The following DNM3 variants were observed in gnomAD, a reference collection of about 807,000 sequenced individuals.
DNM3 encodes the protein dynamin-3.
In DNM3, 47 loss-of-function variants were observed where a neutral mutation model predicts 101.6. The ratio of observed to expected loss-of-function variants is 0.46; its 90% CI spans 0.37 to 0.59. The LOEUF is 0.59. Among genes scored for constraint, DNM3 ranks in the 20% least tolerant of loss-of-function variants. The pLI is 0.00. For missense variants in DNM3, 849 were observed against 1,085.7 expected (o/e 0.78, Z 3.06); for synonymous variants, 385 against 387.9 (o/e 0.99, Z 0.09).
intron 4 of DNM3, among the ~76,000 whole-genome samples, chr1:172,001,429 T>C (rs984594564): frequency 8.6e-5 from 13 of 151,994 alleles, no homozygotes; most frequent in Admixed American, 7.9e-4. Context: ...GTGGTGTTGA[T>C]TGATTACTTG....
In DNM3 at chr1:172,139,197, A is replaced by G. The variant is rs115132259; in HGVS notation, c.1659+7909A>G. ...AGGTTTATTCTTAAGTCCAATTCAT[A>G]TTATTACTGGCCCACATGTAGTCAG... On this transcript the variant is annotated intron_variant, in intron 14 of 20. Coordinates refer to ENST00000627582, the MANE Select transcript of DNM3 (RefSeq NM_015569.5). The G allele has an allele frequency of 7.3e-3, 2,110 of 288,982 alleles. 39 individuals are homozygous for G. Among genetic ancestry groups the G allele is most frequent in the African/African-American group, 0.045 (1,957 of 43,300 alleles). The allele number at this position is 288,982 out of a possible 1,614,324, so 17.9% of individuals were successfully genotyped here. A position where few individuals can be genotyped will look rare whatever the true frequency, so the allele number is the denominator to read the frequency against.
chr1:171,849,850 G>C (rs1318314112), intron 1 of DNM3, among the ~76,000 whole-genome samples: 1 of 152,044 alleles, frequency 6.6e-6, no homozygotes, highest in Admixed American at 6.5e-5. Context: ...TGACATACTG[G>C]GGTCACATGG....
intron 15 of DNM3, among the ~76,000 whole-genome samples, chr1:172,260,201 TG>T (rs2062584836): frequency 6.6e-6 from 1 of 152,274 alleles, no homozygotes; most frequent in Admixed American, 6.5e-5. Flanking sequence ...GTTAGTCTGA[TG>T]GGGTTCCTTT....
chr1:172,148,045 T>G (rs973412973), intron 14 of DNM3, among the ~76,000 whole-genome samples: 1 of 152,090 alleles, frequency 6.6e-6, no homozygotes, highest in African/African-American at 2.4e-5. Context: ...CATTATTTCA[T>G]CAGAGTCCAC....
intron 14 of DNM3, among the ~76,000 whole-genome samples, chr1:172,215,768 A>C (rs1462670988): frequency 6.6e-6 from 1 of 152,032 alleles, no homozygotes; most frequent in Non-Finnish European, 1.5e-5. Flanking sequence ...GACTGCTTAC[A>C]AGGCAGAGCC....
chr1:171,893,869 A>G (rs1042525372), intron 1 of DNM3, among the ~76,000 whole-genome samples: 2 of 152,196 alleles, frequency 1.3e-5, no homozygotes, highest in African/African-American at 2.4e-5. Context: ...CTTTTGAGTA[A>G]GTATTGTTAT....
chr1:171,998,013 C>A (rs2046113190), intron 4 of DNM3, among the ~76,000 whole-genome samples: 2 of 152,130 alleles, frequency 1.3e-5, no homozygotes, highest in African/African-American at 4.8e-5. Context: ...AGTCAGGTGG[C>A]ATCACCCCAG....
intron 4 of DNM3, among the ~76,000 whole-genome samples, chr1:172,031,655 G>A (rs557762101): frequency 5.3e-5 from 8 of 152,210 alleles, no homozygotes; most frequent in East Asian, 3.9e-4. Context: ...TGTATATGAC[G>A]TGCTACACAA....
chr1:172,208,908 A>C (rs2060415527), intron 14 of DNM3, among the ~76,000 whole-genome samples: 1 of 152,076 alleles, frequency 6.6e-6, no homozygotes, highest in African/African-American at 2.4e-5. Context: ...CCCATGGGGA[A>C]AATAAAATTT....
intron 14 of DNM3, among the ~76,000 whole-genome samples, chr1:172,183,949 G>C (rs115727977): frequency 6.7e-6 from 1 of 150,314 alleles, no homozygotes; most frequent in Admixed American, 6.6e-5. Flanking sequence ...CAGTGTAATA[G>C]AAATTAATAT....
chr1:172,304,206 C>CAA (rs575733774), intron 15 of DNM3, among the ~76,000 whole-genome samples: 25 of 36,398 alleles, frequency 6.9e-4, no homozygotes, highest in Non-Finnish European at 9.9e-4. Context: ...AAAAGGAAAG[C>CAA]AAAAAAAAAA....
chr1:172,389,960 C>T (rs9425299), intron 20 of DNM3, among the ~76,000 whole-genome samples: 71,772 of 151,634 alleles, frequency 0.47, 20,061 homozygotes, highest in East Asian at 0.87. Flanking sequence ...AACTCTGAGA[C>T]GGGAGTTCTT....
chr1:171,976,604 G>A (rs1236530932), intron 2 of DNM3, among the ~76,000 whole-genome samples: 3 of 152,072 alleles, frequency 2.0e-5, no homozygotes, highest in Admixed American at 6.6e-5. Context: ...ATGAGATTTG[G>A]GTGGGGACAC....
At chr1:172,125,403 G>A (rs1416977176) in intron 13 of DNM3, among the ~76,000 whole-genome samples, 1 of 152,084 alleles carries the variant, frequency 6.6e-6, no homozygotes, top group Non-Finnish European at 1.5e-5. Flanking sequence ...CAGTATGTCA[G>A]CCAGATGTTG....
chr1:172,358,004 AGTGTG>A (rs1185229807), intron 17 of DNM3, among the ~76,000 whole-genome samples: 2 of 152,044 alleles, frequency 1.3e-5, no homozygotes, highest in African/African-American at 2.4e-5. Context: ...GTGCTGAATC[AGTGTG>A]GTAGAGGCTA....
intron 4 of DNM3, among the ~76,000 whole-genome samples, chr1:172,024,364 A>G (rs1437352482): frequency 6.6e-6 from 1 of 152,242 alleles, no homozygotes; most frequent in Non-Finnish European, 1.5e-5. Context: ...AAATTTACAG[A>G]CCGTGATCCT....
chr1:171,858,263 C>A (rs1346562817), intron 1 of DNM3, among the ~76,000 whole-genome samples: 3 of 152,054 alleles, frequency 2.0e-5, no homozygotes, highest in African/African-American at 7.2e-5. Flanking sequence ...TTCACTGATG[C>A]ACTAATATTC....
intron 1 of DNM3, among the ~76,000 whole-genome samples, chr1:171,890,684 T>C (rs965219012): frequency 1.3e-5 from 2 of 152,178 alleles, no homozygotes; most frequent in African/African-American, 4.8e-5. Flanking sequence ...ATAGTTTATG[T>C]TAGAATACTA....
intron 13 of DNM3, among the ~76,000 whole-genome samples, chr1:172,113,333 A>G (rs1294111441): frequency 6.6e-6 from 1 of 152,088 alleles, no homozygotes; most frequent in African/African-American, 2.4e-5. Context: ...GGGATATACT[A>G]TTATTAGCTC....
Sources: allele counts gnomAD v4.1 joint callset (sites outside exome capture counted in the v4.1 genomes callset), GRCh38; gene constraint gnomAD v4.1.1; transcripts MANE v1.5; gene names NCBI Gene and HGNC (gene_info 2026-07-23, HGNC 2026-07-21).